Variants in SHBG observed in about 807,000 individuals in gnomAD.
The protein encoded by SHBG is sex hormone binding globulin.
Under a neutral mutation model 41.9 loss-of-function variants are expected in SHBG, and 37 were observed. The ratio of observed to expected loss-of-function variants is 0.88; its 90% confidence interval spans 0.68 to 1.16. SHBG has a LOEUF of 1.16. Ranked by LOEUF, SHBG falls within the 50% of genes most tolerant of loss-of-function variation. The pLI, the probability that SHBG is intolerant of heterozygous loss-of-function variation, is 0.00. For missense variants in SHBG, 466 were observed against 499.9 expected, an observed-to-expected ratio of 0.93 and a Z score of 0.65; for synonymous variants, 217 against 205.8, an observed-to-expected ratio of 1.05 and a Z score of -0.47.
upstream of SHBG, chr17:7,627,817 G>A: frequency 1.4e-6 from 1 of 706,656 alleles, no homozygotes; most frequent in South Asian, 1.6e-5. This position sits in a 1 kb window ranked among gnomAD's most constrained non-coding sequence, Gnocchi z 4.8. Flanking sequence ...CGTACGGGAG[G>A]AGAGAGTAGG....
chr17:7,626,270 A>T, upstream of SHBG: 2 of 651,094 alleles, frequency 3.1e-6, no homozygotes, highest in South Asian at 2.0e-5. Context: ...TTCACCCTCA[A>T]CAAGGAAGAA....
Position 7,621,597 on chromosome 17 carries a change from C to A in SHBG, c.-62+7486C>A, listed in dbSNP as rs1346546831. On this transcript the variant is annotated intron_variant, in intron 1 of 5. Transcript: ENST00000570547. ...GCCTGGGGGCAACAGAGCGAGTCTC[C>A]GTCTAAAAAAAAAAAAAAAAAAAAA... is the stretch of plus-strand genomic sequence containing the variant. Among the ~76,000 whole-genome samples, 15 of 70,408 alleles carry A rather than the reference C, an allele frequency of 2.1e-4. 2 individuals are homozygous for A. The East Asian group carries it at 5.0e-3, about 24-fold the overall frequency. The allele number at this position is 70,408 out of a possible 152,430, so 46.2% of individuals were successfully genotyped here.
intron 1 of SHBG, among the ~76,000 whole-genome samples, chr17:7,622,564 C>A (rs1050473724): frequency 6.6e-6 from 1 of 151,912 alleles, no homozygotes; most frequent in Non-Finnish European, 1.5e-5. Flanking sequence ...TGAGCCACTG[C>A]GCCTGGCCTG....
rs532385098 is a variant in SHBG, at chr17:7,631,574, T to C, written c.556-15T>C. The C allele has an allele frequency of 1.3e-5, 21 of 1,614,030 alleles. No individual in the cohort carries two copies. The East Asian group carries it at 4.5e-4, about 34-fold the overall frequency. On this transcript the variant is annotated splice_polypyrimidine_tract_variant and intron_variant, in intron 4 of 7. Transcript: ENST00000380450. ...GATTTCTACATCCCCGTATCTTATC[T>C]CTGTCACACTCCAGCTGGTTCCTGC...
At chr17:7,617,597 C>T (rs974287215) in intron 1 of SHBG, among the ~76,000 whole-genome samples, 1 of 151,120 alleles carries the variant, frequency 6.6e-6, no homozygotes, top group South Asian at 2.1e-4. Context: ...AGCGAGACTC[C>T]ATCTCAAAAA....
intron 1 of SHBG, among the ~76,000 whole-genome samples, chr17:7,620,082 C>G (rs563382669): frequency 3.3e-5 from 5 of 151,350 alleles, no homozygotes; most frequent in Non-Finnish European, 5.9e-5. Context: ...CAGAAAAAGA[C>G]CCTGTCTCTA....
At chr17:7,627,500 C>A, upstream of SHBG, 2 of 1,585,444 alleles carry the variant, frequency 1.3e-6, no homozygotes, top group East Asian at 2.2e-5. This position sits in a 1 kb window ranked among gnomAD's most constrained non-coding sequence, Gnocchi z 4.8. Context: ...CCTCCCCCTG[C>A]CCCCGCCTCC....
intron 1 of SHBG, among the ~76,000 whole-genome samples, chr17:7,617,937 A>C (rs1343956398): frequency 6.6e-6 from 1 of 150,682 alleles, no homozygotes; most frequent in African/African-American, 2.4e-5. Flanking sequence ...TACAAAAATT[A>C]GCTGGGTGCG....
chr17:7,631,066 G>A, intron 3 of SHBG, 134 bp from the exon 4 acceptor site: 1 of 1,019,734 alleles, frequency 9.8e-7, no homozygotes, highest in Non-Finnish European at 1.4e-6. Flanking sequence ...GACAAGAGCT[G>A]AGTGACCCAA....
At chr17:7,629,237 G>A (rs953158858), upstream of SHBG, among the ~76,000 whole-genome samples, 5 of 151,688 alleles carry the variant, frequency 3.3e-5, no homozygotes, top group South Asian at 2.1e-4. Context: ...TTTGCTGGGC[G>A]TGGTGGTGCG....
chr17:7,614,346 A>G (rs750789430), intron 1 of SHBG: 40 of 831,914 alleles, frequency 4.8e-5, no homozygotes, highest in Non-Finnish European at 7.3e-5. Flanking sequence ...CCAAGATTCT[A>G]AGGGCCAGGA....
At position 7,614,375 on chromosome 17, in the gene SHBG, A is replaced by T. The variant is rs555442557; in HGVS notation, c.-62+264A>T. On this transcript the variant is annotated intron_variant, in intron 1 of 5. Transcript: ENST00000570547. ...GCCAGGACTCAGCTCCAGAAGCTCG[A>T]TCCCGCCCCACGCGTTCCTGCTCCG... is the stretch of plus-strand genomic sequence containing the variant. 3 of 1,090,870 alleles carry T rather than the reference A, an allele frequency of 2.8e-6. No homozygotes were observed. In the South Asian group the frequency reaches 4.5e-5, roughly 16 times the overall value. The allele number at this position is 1,090,870 out of a possible 1,614,324, so 67.6% of individuals were successfully genotyped here.
At chr17:7,631,493 G>A in intron 4 of SHBG, 96 bp from the exon 5 acceptor site, 1 of 1,559,612 alleles carries the variant, frequency 6.4e-7, no homozygotes, top group Non-Finnish European at 8.8e-7. Context: ...GAGGCCAAAT[G>A]CTCAGAGGGG....
chr17:7,615,344 A>G (rs1188970251), intron 1 of SHBG, among the ~76,000 whole-genome samples: 1 of 150,066 alleles, frequency 6.7e-6, no homozygotes, highest in Non-Finnish European at 1.5e-5. Context: ...CTCCAAAAAG[A>G]AAAAAAAAAG....
Position 7,633,222 on chromosome 17 carries a change from CTTT to C in SHBG, c.1082_1084del (p.Phe361del). Reference sequence around the variant, plus strand: ...CCTCTAGGAGAAGACTCTTCCACCTCTTTTTGCCTGAATGGCCTTTGGGCACAA... The same window carrying C: ...CCTCTAGGAGAAGACTCTTCCACCTCTTGCCTGAATGGCCTTTGGGCACAA... On this transcript the variant is annotated inframe_deletion, in exon 8 of 8. Transcript: ENST00000380450. 2 of 1,614,142 alleles carry C rather than the reference CTTT, an allele frequency of 1.2e-6. No individual in the cohort carries two copies. Among genetic ancestry groups the C allele is most frequent in the Non-Finnish European group, 1.7e-6 (2 of 1,180,026 alleles).
intron 1 of SHBG, among the ~76,000 whole-genome samples, chr17:7,615,990 A>T (rs186999051): frequency 1.3e-5 from 2 of 151,038 alleles, no homozygotes; most frequent in African/African-American, 4.9e-5. Flanking sequence ...ACAGGGCGAA[A>T]CCCTGTTTCT....
chr17:7,623,988 G>C (rs1054920092), upstream of SHBG, among the ~76,000 whole-genome samples: 2 of 152,184 alleles, frequency 1.3e-5, no homozygotes, highest in African/African-American at 4.8e-5. Context: ...ACAGAGTCTT[G>C]CTCTGTCGCC....
At chr17:7,616,574 G>A (rs529276385) in intron 1 of SHBG, among the ~76,000 whole-genome samples, 51 of 150,502 alleles carry the variant, frequency 3.4e-4, no homozygotes, top group Admixed American at 1.4e-3. Context: ...GCAGTGAGCG[G>A]AGATCGTGCC....
Position 7,630,451 on chromosome 17 carries a change from T to C in SHBG, c.147T>C (p.Asn49=). The C allele has an allele frequency of 1.2e-6, 2 of 1,614,162 alleles. No homozygotes were observed. Among genetic ancestry groups the C allele is most frequent in the Middle Eastern group, 1.6e-4 (1 of 6,062 alleles). ...AHDPPAVHLS[N]GPGQEPIAVM... The stretch of plus-strand genomic sequence containing the variant: ...ACCCTCCGGCTGTCCACCTCAGCAA[T>C]GGCCCAGGACAAGAGCCTATCGCTG... Residue 49 remains asparagine (N), a synonymous_variant, in exon 2 of 8, where the codon AAT becomes AAC. Transcript: ENST00000380450. The surrounding 1 kb of genome is among the most constrained non-coding windows in gnomAD (Gnocchi z 4.6).
Sources: gnomAD v4.1 joint callset for allele counts (sites outside exome capture counted in the v4.1 genomes callset) on GRCh38, gnomAD v4.1.1 for gene constraint, Gnocchi (gnomAD v3.1) non-coding constraint, MANE v1.5 for transcripts, NCBI Gene and HGNC (gene_info 2026-07-23, HGNC 2026-07-21) for gene names.